KLHL13: variants seen among roughly 807,000 people sequenced by gnomAD.
KLHL13 encodes the protein kelch-like protein 13.
A neutral mutation model predicts 37.1 loss-of-function variants in KLHL13; 10 were observed. The ratio of observed to expected loss-of-function variants is 0.27; its 90% CI spans 0.17 to 0.46. The LOEUF is 0.46. KLHL13 is among the 20% of genes least tolerant of loss of function. The pLI is 1.00. For synonymous variants in KLHL13, 163 were observed against 181.2 expected (o/e 0.90, Z 0.81); for missense variants, 360 against 509.3 (o/e 0.71, Z 2.82).
intron 1 of KLHL13, among the ~76,000 whole-genome samples, chrX:118,025,346 A>G (rs1186545996): frequency 8.9e-6 from 1 of 111,765 alleles, no homozygotes; most frequent in African/African-American, 3.3e-5. Context: ...TAAGTTTTCA[A>G]TTGTGTGTCA....
exon 7 of KLHL13, chrX:117,899,371 T>A (rs1431219924): frequency 8.3e-7 from 1 of 1,202,397 alleles, no homozygotes; most frequent in Admixed American, 2.2e-5. Context: ...GAGCTCCTTT[T>A]GGAAAGTATC....
intron 1 of KLHL13, among the ~76,000 whole-genome samples, chrX:117,957,990 G>A (rs2053230484): frequency 1.8e-5 from 2 of 111,288 alleles, no homozygotes; most frequent in South Asian, 7.4e-4. Context: ...AAGTATTTTG[G>A]TCACTAGTAG....
At chrX:118,031,357 G>A (rs1232068768) in intron 1 of KLHL13, among the ~76,000 whole-genome samples, 1 of 103,218 alleles carries the variant, frequency 9.7e-6, no homozygotes, top group African/African-American at 3.6e-5. Context: ...TAGGAAGGGA[G>A]AAGTAAACAC....
chrX:117,929,826 G>A (rs902873740), intron 2 of KLHL13, among the ~76,000 whole-genome samples: 2 of 104,400 alleles, frequency 1.9e-5, no homozygotes, highest in Admixed American at 2.1e-4. Flanking sequence ...TTAGTCGAGT[G>A]TGGTGGCACA....
intron 1 of KLHL13, among the ~76,000 whole-genome samples, chrX:118,032,140 A>G (rs28852784): frequency 0.056 from 6,165 of 110,911 alleles, 424 homozygotes; most frequent in African/African-American, 0.19. Context: ...AGATCAAACA[A>G]CAAGGCGGCA....
intron 1 of KLHL13, among the ~76,000 whole-genome samples, chrX:117,999,869 G>A (rs2053900037): frequency 9.0e-6 from 1 of 111,602 alleles, no homozygotes; most frequent in Admixed American, 9.5e-5. Context: ...TTATAGCCCA[G>A]TTAGGTCAAA....
exon 7 of KLHL13, chrX:117,898,759 C>T: frequency 1.6e-6 from 1 of 645,102 alleles, no homozygotes; most frequent in South Asian, 3.6e-5. Flanking sequence ...ACAAAGAGCA[C>T]AAATAACATC....
At chrX:117,983,460 A>G in intron 1 of KLHL13, 1 of 1,064,208 alleles carries the variant, frequency 9.4e-7, no homozygotes, top group South Asian at 2.3e-5. Context: ...GTGAGGAAAA[A>G]TGTAGACCCC....
At chrX:118,065,436 T>C (rs1375181004) in intron 1 of KLHL13, among the ~76,000 whole-genome samples, 2 of 111,239 alleles carry the variant, frequency 1.8e-5, no homozygotes, top group African/African-American at 3.3e-5. Flanking sequence ...CTAACTACCT[T>C]TGGGCCATGC....
At chrX:118,038,426 G>A (rs2054473346) in intron 1 of KLHL13, among the ~76,000 whole-genome samples, 2 of 111,713 alleles carry the variant, frequency 1.8e-5, no homozygotes, top group South Asian at 3.8e-4. Context: ...GCCCTTAATC[G>A]CCTACATCAC....
At chrX:117,898,164 C>A (rs1227147045) in exon 7 of KLHL13, 1 of 111,457 alleles carries the variant, frequency 9.0e-6, no homozygotes, top group Non-Finnish European at 1.9e-5. Context: ...TTTCACATTT[C>A]TTTGATGTGC....
intron 1 of KLHL13, among the ~76,000 whole-genome samples, chrX:118,024,044 G>T (rs1265055161): frequency 8.9e-6 from 1 of 112,078 alleles, no homozygotes; most frequent in East Asian, 2.8e-4. Flanking sequence ...TATAAGAAAG[G>T]TTACAAGAGA....
At chrX:118,099,919 A>AAGG (rs2055268125) in intron 1 of KLHL13, among the ~76,000 whole-genome samples, 5 of 102,166 alleles carry the variant, frequency 4.9e-5, no homozygotes, top group Admixed American at 3.1e-4. Context: ...AGGAAGGAAG[A>AAGG]AAGGAAGGAA....
At chrX:118,113,427 A>C (rs1299579310) in intron 1 of KLHL13, among the ~76,000 whole-genome samples, 1 of 112,149 alleles carries the variant, frequency 8.9e-6, no homozygotes, top group African/African-American at 3.2e-5. Flanking sequence ...CAGGACCTCC[A>C]AGTCCTATTT....
chrX:117,898,656 A>G (rs757166244), exon 7 of KLHL13: 3 of 336,814 alleles, frequency 8.9e-6, no homozygotes, highest in Non-Finnish European at 1.5e-5. Context: ...CATTTTATAG[A>G]CAATACTTTT....
intron 1 of KLHL13, among the ~76,000 whole-genome samples, chrX:118,063,930 T>C (rs1156956955): frequency 8.9e-6 from 1 of 111,995 alleles, no homozygotes; most frequent in Non-Finnish European, 1.9e-5. Flanking sequence ...ATTATTATAG[T>C]TATTTTAGCA....
chrX:117,985,447 T>TAAA (rs555339137), intron 1 of KLHL13: 2,507 of 605,201 alleles, frequency 4.1e-3, no homozygotes, highest in African/African-American at 4.5e-3. Context: ...TTTATATATT[T>TAAA]AAAAAAAAAA....
At chrX:118,077,385 C>T (rs773782823) in intron 1 of KLHL13, among the ~76,000 whole-genome samples, 1 of 109,763 alleles carries the variant, frequency 9.1e-6, no homozygotes, top group African/African-American at 3.3e-5. Context: ...GTTTAAATTA[C>T]TGCCTTGTGG....
chrX:117,900,806 T>G (rs767560846), intron 6 of KLHL13, among the ~76,000 whole-genome samples: 2 of 111,298 alleles, frequency 1.8e-5, no homozygotes, highest in Non-Finnish European at 3.8e-5. Context: ...GGCCAAATGA[T>G]AATAACCTGA....
Sources: gnomAD v4.1 joint callset for allele counts (sites outside exome capture counted in the v4.1 genomes callset) on GRCh38, gnomAD v4.1.1 for gene constraint, MANE v1.5 for transcripts, NCBI Gene and HGNC (gene_info 2026-07-23, HGNC 2026-07-21) for gene names.